BMP3: variants seen among roughly 807,000 people sequenced by gnomAD.
The protein encoded by BMP3 is bone morphogenetic protein 3, also known as bone morphogenetic protein 3 (osteogenic).
A neutral mutation model predicts 38.1 loss-of-function variants in BMP3; 23 were observed. That is an observed-to-expected ratio of 0.60 (90% CI 0.43 to 0.86). BMP3 has a LOEUF of 0.86. Among genes scored for constraint, BMP3 ranks in the 40% least tolerant of loss-of-function variants. The pLI, the probability that BMP3 is intolerant of heterozygous loss-of-function variation, is 0.00. For synonymous variants in BMP3, 258 were observed against 225.7 expected (o/e 1.14, Z -1.28); for missense variants, 628 against 579.6 (o/e 1.08, Z -0.86).
chr4:81,041,560 C>G (rs929715505), intron 1 of BMP3, among the ~76,000 whole-genome samples: 1 of 152,170 alleles, frequency 6.6e-6, no homozygotes, highest in African/African-American at 2.4e-5. Flanking sequence ...TTGGGCATAA[C>G]ATAATGCCTT....
At chr4:81,045,164 A>C (rs1330880352) in intron 1 of BMP3, among the ~76,000 whole-genome samples, 2 of 152,116 alleles carry the variant, frequency 1.3e-5, no homozygotes, top group African/African-American at 4.8e-5. Flanking sequence ...AGTGTGTATC[A>C]AGTAGTACTT....
At chr4:81,036,699 G>A (rs1739933947) in intron 1 of BMP3, among the ~76,000 whole-genome samples, 1 of 151,904 alleles carries the variant, frequency 6.6e-6, no homozygotes, top group Non-Finnish European at 1.5e-5. Context: ...AGTAATACAA[G>A]TATACCTGGA....
intron 1 of BMP3, among the ~76,000 whole-genome samples, chr4:81,033,032 G>T (rs1201944743): frequency 2.0e-5 from 3 of 152,194 alleles, no homozygotes; most frequent in Admixed American, 6.5e-5. Context: ...AACTCTAGGG[G>T]CATAACTCAG....
chr4:81,046,195 C>G lies in BMP3; in HGVS notation c.774C>G (p.Ser258Arg). Residue 258 changes from serine to arginine, a missense_variant, in exon 2 of 3, where the codon AGC becomes AGG. Transcript: ENST00000282701. ...AISEPESVVSSLQGHRNFPTG... is the reference protein window; with the variant it reads ...AISEPESVVSRLQGHRNFPTG... ...CTGAGCCAGAAAGTGTGGTATCAAG[C>G]TTACAGGGACACCGGAATTTTCCCA... The G allele has an allele frequency of 2.5e-6, 4 of 1,614,066 alleles. No individual in the cohort carries two copies. Among genetic ancestry groups the G allele is most frequent in the Non-Finnish European group, 3.4e-6 (4 of 1,180,024 alleles).
intron 2 of BMP3, among the ~76,000 whole-genome samples, chr4:81,048,607 T>C (rs1404960631): frequency 1.3e-5 from 2 of 152,210 alleles, no homozygotes; most frequent in Non-Finnish European, 2.9e-5. Flanking sequence ...TACCTGCTTT[T>C]ACTGTTCCGA....
intron 1 of BMP3, among the ~76,000 whole-genome samples, chr4:81,036,541 G>A (rs1047580419): frequency 6.6e-6 from 1 of 151,842 alleles, no homozygotes; most frequent in Non-Finnish European, 1.5e-5. Context: ...CTTTATTTTG[G>A]GGGTAGTAGT....
At chr4:81,044,296 TCA>T (rs2109907812) in intron 1 of BMP3, among the ~76,000 whole-genome samples, 1 of 152,324 alleles carries the variant, frequency 6.6e-6, no homozygotes, top group East Asian at 1.9e-4. Flanking sequence ...GTTAAAATTT[TCA>T]CACATTTATG....
chr4:81,042,531 G>A (rs2109906723), intron 1 of BMP3, among the ~76,000 whole-genome samples: 1 of 152,336 alleles, frequency 6.6e-6, no homozygotes, highest in South Asian at 2.1e-4. Context: ...TAAAATGAGA[G>A]CCATTGGAAG....
At chr4:81,039,882 A>C (rs1218835828) in intron 1 of BMP3, among the ~76,000 whole-genome samples, 2 of 152,218 alleles carry the variant, frequency 1.3e-5, no homozygotes, top group Non-Finnish European at 2.9e-5. Flanking sequence ...AGGTGTAATG[A>C]AAATGGTAAT....
At chr4:81,032,061 A>T (rs183345184) in intron 1 of BMP3, among the ~76,000 whole-genome samples, 1 of 152,198 alleles carries the variant, frequency 6.6e-6, no homozygotes, top group Non-Finnish European at 1.5e-5. Flanking sequence ...GAGAAATCAT[A>T]CTTGAATAAG....
rs202030314 is a variant in BMP3, at chr4:81,031,396, G to T, written c.112G>T (p.Gly38Cys). Residue 38 changes from glycine to cysteine, a missense_variant, in exon 1 of 3, where the codon GGT (glycine) becomes TGT (cysteine). Coordinates refer to ENST00000282701, the MANE Select transcript of BMP3 (RefSeq NM_001201.5). The part of the protein sequence containing the change: ...PFPELRKAVP[G>C]DRTAGGGPDS... ...CCCGGAGCTCCGCAAAGCTGTGCCA[G>T]GTGACCGCACGGCAGGTGGTGGCCC... 6.2e-7 allele frequency: 1 copy of T among 1,613,776 alleles called. No homozygotes were observed. The highest frequency in any genetic ancestry group is 8.5e-7 in the Non-Finnish European group (1 of 1,179,898).
At chr4:81,034,225 C>T (rs1039073921) in intron 1 of BMP3, among the ~76,000 whole-genome samples, 5 of 135,912 alleles carry the variant, frequency 3.7e-5, no homozygotes, top group Admixed American at 8.1e-5. Flanking sequence ...GTGCCAAAAC[C>T]GTAAGTTTGG....
chr4:81,031,848 G>A (rs1274993255), intron 1 of BMP3, among the ~76,000 whole-genome samples: 3 of 152,156 alleles, frequency 2.0e-5, no homozygotes, highest in Admixed American at 1.3e-4. Flanking sequence ...GAGCAGTGGA[G>A]GGGTAGGCTG....
chr4:81,039,105 C>T (rs1040257413), intron 1 of BMP3, among the ~76,000 whole-genome samples: 1 of 152,098 alleles, frequency 6.6e-6, no homozygotes, highest in Non-Finnish European at 1.5e-5. Flanking sequence ...TTGCCTGTGC[C>T]TGAAAGTTAA....
intron 1 of BMP3, among the ~76,000 whole-genome samples, chr4:81,032,213 A>AAAAAAAAAAAAC (rs1739797547): frequency 1.4e-5 from 2 of 143,410 alleles, no homozygotes; most frequent in African/African-American, 5.5e-5. Flanking sequence ...AAAAAAAAAA[A>AAAAAAAAAAAAC]AAAAAAACAG....
rs746432172 is a variant in BMP3, at chr4:81,046,409, G to T, written c.988G>T (p.Glu330Ter). Reference protein sequence around the residue: ...PYKTLQAQAPEKSKNKKKQRK... With the variant: ...PYKTLQAQAP ...CAAGACCCTTCAGGCTCAGGCCCCT[G>T]AAAAGAGTAAGAATAAAAAGAAACA... is the stretch of plus-strand genomic sequence containing the variant. Residue 330 changes from glutamate (E) to a stop codon, truncating the protein, a stop_gained, in exon 2 of 3, where the codon GAA becomes TAA. Coordinates refer to ENST00000282701, the MANE Select transcript of BMP3 (RefSeq NM_001201.5). LOFTEE classifies it high-confidence loss of function. The T allele has an allele frequency of 6.2e-7, 1 of 1,613,866 alleles. No individual in the cohort carries two copies. The highest frequency in any genetic ancestry group is 8.5e-7 in the Non-Finnish European group (1 of 1,179,960).
intron 1 of BMP3, among the ~76,000 whole-genome samples, chr4:81,036,812 G>A (rs764115613): frequency 4.6e-5 from 7 of 151,922 alleles, no homozygotes; most frequent in Non-Finnish European, 8.8e-5. Flanking sequence ...TTATCTACAT[G>A]TTAGCAGTGG....
At chr4:81,050,112 C>A (rs1479801533) in intron 2 of BMP3, among the ~76,000 whole-genome samples, 2 of 152,210 alleles carry the variant, frequency 1.3e-5, no homozygotes, top group African/African-American at 4.8e-5. Context: ...GGCTATCACA[C>A]CCATGTGGGC....
intron 2 of BMP3, among the ~76,000 whole-genome samples, chr4:81,048,173 A>G (rs1293910900): frequency 6.6e-6 from 1 of 152,186 alleles, no homozygotes; most frequent in Non-Finnish European, 1.5e-5. Context: ...CTAAATATTC[A>G]TAAAGGATAT....
Sources: allele counts gnomAD v4.1 joint callset (sites outside exome capture counted in the v4.1 genomes callset), GRCh38; gene constraint gnomAD v4.1.1; transcripts MANE v1.5; gene names NCBI Gene and HGNC (gene_info 2026-07-23, HGNC 2026-07-21).